Variants in PPP6R2 observed in about 807,000 individuals in gnomAD.
PPP6R2 encodes serine/threonine-protein phosphatase 6 regulatory subunit 2.
PPP6R2 carries 62 observed loss-of-function variants against 100.2 expected under a neutral mutation model. That is an observed-to-expected ratio of 0.62 (90% CI 0.50 to 0.76). The LOEUF (loss-of-function observed/expected upper bound fraction) is 0.76. PPP6R2 is among the 30% of genes least tolerant of loss of function. The pLI is 0.00. For synonymous variants in PPP6R2, 525 were observed against 514.7 expected, an observed-to-expected ratio of 1.02 and a Z score of -0.27; for missense variants, 1,142 against 1,276.3, an observed-to-expected ratio of 0.89 and a Z score of 1.60.
chr22:50,429,030 G>C (rs1180208824), intron 10 of PPP6R2, among the ~76,000 whole-genome samples: 1 of 143,150 alleles, frequency 7.0e-6, no homozygotes, highest in Non-Finnish European at 1.5e-5. Flanking sequence ...AAAGTATGTT[G>C]AATTTTTTTT....
intron 1 of PPP6R2, among the ~76,000 whole-genome samples, chr22:50,361,057 C>T (rs1424065150): frequency 6.6e-6 from 1 of 152,192 alleles, no homozygotes; most frequent in Non-Finnish European, 1.5e-5. Context: ...CTTGACTTCT[C>T]TCTCCTCATG....
chr22:50,437,920 TG>T lies in PPP6R2; in HGVS notation c.1839+24del. ...GACAGTGTGAGCAAGCCGGGCTGTG[TG>T]GGGTGCCGCCACCCTTTTCCCAGGC... On this transcript the variant is annotated intron_variant, in intron 17 of 23. Coordinates refer to ENST00000612753, the MANE Select transcript of PPP6R2 (RefSeq NM_001242898.2). 6.4e-7 allele frequency: 1 copy of T among 1,560,616 alleles called. No homozygotes were observed. The highest frequency in any genetic ancestry group is 8.7e-7 in the Non-Finnish European group (1 of 1,152,570).
intron 1 of PPP6R2, among the ~76,000 whole-genome samples, chr22:50,355,091 C>G (rs2046185286): frequency 6.6e-6 from 1 of 152,006 alleles, no homozygotes; most frequent in Non-Finnish European, 1.5e-5. Flanking sequence ...GATCCTCCCA[C>G]CTCAGCCTCC....
chr22:50,337,198 G>C, the PPP6R2 span, among the ~76,000 whole-genome samples: 1 of 115,798 alleles, frequency 8.6e-6, no homozygotes, highest in African/African-American at 4.5e-5. Flanking sequence ...CGTGTGTGCT[G>C]TGTGGGTATA....
intron 2 of PPP6R2, among the ~76,000 whole-genome samples, chr22:50,374,676 G>C (rs1246969284): frequency 6.6e-6 from 1 of 152,024 alleles, no homozygotes; most frequent in Non-Finnish European, 1.5e-5. Context: ...AGCACTTTGG[G>C]AGGCCAAGGT....
At chr22:50,380,542 G>T (rs949750620) in intron 2 of PPP6R2, among the ~76,000 whole-genome samples, 9 of 151,026 alleles carry the variant, frequency 6.0e-5, no homozygotes, top group African/African-American at 2.2e-4. Context: ...TGTATTTTTA[G>T]TAGAGACGGG....
chr22:50,402,332 T>C lies in PPP6R2; in HGVS notation c.228-4357T>C, dbSNP rs551487552. ...GGGCTGGGGGCACCCCAGTTTCTTTTTTTTTTTTTTTTTTACCAAGTTCCC... is the reference window on the plus strand; with the variant it reads ...GGGCTGGGGGCACCCCAGTTTCTTTCTTTTTTTTTTTTTTACCAAGTTCCC... On this transcript the variant is annotated intron_variant, in intron 3 of 23. Transcript: ENST00000612753. Among the ~76,000 whole-genome samples the C allele has an allele frequency of 4.9e-3, 741 of 150,852 alleles. 6 individuals carry two copies. The highest frequency in any genetic ancestry group is 0.017 in the African/African-American group (695 of 41,242).
chr22:50,357,268 C>T (rs1413094174), intron 1 of PPP6R2, among the ~76,000 whole-genome samples: 2 of 152,064 alleles, frequency 1.3e-5, no homozygotes, highest in Non-Finnish European at 2.9e-5. Flanking sequence ...ATTCTGGTTA[C>T]AAGTCCTTTG....
intron 3 of PPP6R2, among the ~76,000 whole-genome samples, chr22:50,406,390 G>A (rs2058965481): frequency 6.6e-6 from 1 of 152,136 alleles, no homozygotes; most frequent in South Asian, 2.1e-4. Context: ...GTGAAGGCCT[G>A]GAGAGAGGAA....
At chr22:50,365,626 C>A (rs921176104) in intron 1 of PPP6R2, among the ~76,000 whole-genome samples, 2 of 149,578 alleles carry the variant, frequency 1.3e-5, no homozygotes, top group African/African-American at 4.9e-5. Flanking sequence ...TTGCAGTGAG[C>A]TGAGATCACA....
rs879061601 is a variant in PPP6R2, at chr22:50,434,183, T to C, written c.1401-783T>C. ...GGGGGCGCAGACGCTGGGCAGGGGC[T>C]GGGCATTTGCTCTGGAGGTGAACCT... On this transcript the variant is annotated intron_variant, in intron 12 of 23. Transcript: ENST00000612753. Among the ~76,000 whole-genome samples, 52 of 46,556 alleles carry C rather than the reference T, an allele frequency of 1.1e-3. 1 individual carries two copies. Among genetic ancestry groups the C allele is most frequent in the South Asian group, 1.4e-3 (1 of 716 alleles). The allele number at this position is 46,556 out of a possible 152,430, so 30.5% of individuals were successfully genotyped here.
intron 2 of PPP6R2, among the ~76,000 whole-genome samples, chr22:50,374,930 AAG>A (rs2051137213): frequency 6.7e-6 from 1 of 150,374 alleles, no homozygotes; most frequent in Non-Finnish European, 1.5e-5. Context: ...AAAAAAAAAA[AAG>A]AGAAAAAGAA....
At chr22:50,339,541 G>GTGGTA, upstream of PPP6R2, among the ~76,000 whole-genome samples, 1 of 141,840 alleles carries the variant, frequency 7.1e-6, no homozygotes, top group Admixed American at 7.0e-5. Context: ...TGTGGTGTGT[G>GTGGTA]TGTGGTGTGT....
the PPP6R2 span, among the ~76,000 whole-genome samples, chr22:50,334,267 AGGCTCT>A: frequency 6.6e-6 from 1 of 152,144 alleles, no homozygotes; most frequent in African/African-American, 2.4e-5. Flanking sequence ...GTGCCTTCCC[AGGCTCT>A]GGCGTTACCG....
At chr22:50,399,067 G>A (rs1409129602) in intron 3 of PPP6R2, among the ~76,000 whole-genome samples, 1 of 152,020 alleles carries the variant, frequency 6.6e-6, no homozygotes, top group East Asian at 1.9e-4. Context: ...CTAACACGGT[G>A]AAACCCCGTC....
chr22:50,402,790 T>C (rs1165304728), intron 3 of PPP6R2, among the ~76,000 whole-genome samples: 2 of 152,228 alleles, frequency 1.3e-5, no homozygotes, highest in Admixed American at 6.5e-5. Context: ...GAGCAGCACC[T>C]GTCATTTGAA....
chr22:50,359,319 T>C (rs1174263832), intron 1 of PPP6R2, among the ~76,000 whole-genome samples: 5 of 149,430 alleles, frequency 3.3e-5, no homozygotes, highest in Non-Finnish European at 5.9e-5. Context: ...CCCGGCTTCA[T>C]GCCATTCTCC....
chr22:50,400,009 C>A (rs1259929432), intron 3 of PPP6R2, among the ~76,000 whole-genome samples: 2 of 152,246 alleles, frequency 1.3e-5, no homozygotes, highest in Admixed American at 1.3e-4. Flanking sequence ...CAAGCTGTCG[C>A]TTTCATTACT....
At chr22:50,383,898 T>C (rs1007219021) in intron 2 of PPP6R2, among the ~76,000 whole-genome samples, 5 of 151,874 alleles carry the variant, frequency 3.3e-5, no homozygotes, top group Admixed American at 6.6e-5. Flanking sequence ...TAGCCAGGCA[T>C]GATGGTGGAT....
Sources: allele counts gnomAD v4.1 joint callset (sites outside exome capture counted in the v4.1 genomes callset), GRCh38; gene constraint gnomAD v4.1.1; transcripts MANE v1.5; gene names NCBI Gene and HGNC (gene_info 2026-07-23, HGNC 2026-07-21).